The following TRIM51G variants were observed in gnomAD, a reference collection of about 807,000 sequenced individuals.
TRIM51G encodes the protein tripartite motif-containing 51G, also known as tripartite motif-containing protein 51G.
At chr11:48,983,665 A>T in the TRIM51G span, among the ~76,000 whole-genome samples, 1 of 151,800 alleles carries the variant, frequency 6.6e-6, no homozygotes, top group Non-Finnish European at 1.5e-5. Context: ...TTAGACAGTT[A>T]GATATTTTTA....
chr11:48,979,264 A>G, the TRIM51G span, among the ~76,000 whole-genome samples: 1 of 152,158 alleles, frequency 6.6e-6, no homozygotes, highest in East Asian at 1.9e-4. Flanking sequence ...TAATATCAAC[A>G]TAGTTGTTTC....
the TRIM51G span, chr11:48,980,900 A>G: frequency 2.1e-6 from 1 of 485,816 alleles, no homozygotes; most frequent in Non-Finnish European, 4.3e-6. Flanking sequence ...GTAACACACT[A>G]CTAACCTTCC....
the TRIM51G span, among the ~76,000 whole-genome samples, chr11:48,976,280 TG>T: frequency 6.6e-6 from 1 of 152,180 alleles, no homozygotes; most frequent in African/African-American, 2.4e-5. Context: ...AATGTAAAAG[TG>T]AAATATTATA....
the TRIM51G span, chr11:48,975,678 G>A: frequency 2.7e-6 from 4 of 1,478,258 alleles, no homozygotes; most frequent in Non-Finnish European, 3.8e-6. Flanking sequence ...GTGGGGAGGT[G>A]GTAAAGAGAC....
At chr11:48,975,759 T>A in the TRIM51G span, 1 of 1,564,368 alleles carries the variant, frequency 6.4e-7, no homozygotes, top group South Asian at 1.1e-5. Flanking sequence ...TGTCATTCTG[T>A]CTCTTCTCTT....
chr11:48,983,412 A>G, the TRIM51G span, among the ~76,000 whole-genome samples: 17 of 152,094 alleles, frequency 1.1e-4, no homozygotes, highest in African/African-American at 3.4e-4. Flanking sequence ...ACAGTATTCA[A>G]TAATTATCCT....
the TRIM51G span, among the ~76,000 whole-genome samples, chr11:48,982,717 G>A: frequency 6.6e-6 from 1 of 151,184 alleles, no homozygotes; most frequent in African/African-American, 2.4e-5. Flanking sequence ...AATTCTCCTA[G>A]TGGACTTCCT....
At chr11:48,981,015 A>G in the TRIM51G span, 1 of 610,414 alleles carries the variant, frequency 1.6e-6, no homozygotes, top group Non-Finnish European at 3.1e-6. Flanking sequence ...CAAAAGAGCC[A>G]TGAATTGAAG....
chr11:48,981,703 A>G, the TRIM51G span: 1 of 1,597,578 alleles, frequency 6.3e-7, no homozygotes, highest in Admixed American at 1.7e-5. Flanking sequence ...CATGTTTCTG[A>G]AGAAGAAAGA....
the TRIM51G span, chr11:48,981,672 G>A: frequency 1.3e-6 from 2 of 1,599,284 alleles, no homozygotes; most frequent in Admixed American, 3.3e-5. Context: ...CCCTCTGGAA[G>A]ACTTGCAAGA....
At chr11:48,981,988 G>A in the TRIM51G span, among the ~76,000 whole-genome samples, 64 of 152,078 alleles carry the variant, frequency 4.2e-4, 1 homozygote, top group African/African-American at 1.4e-3. Context: ...TATGAAACTC[G>A]GGTTTTAATC....
At chr11:48,983,825 GCA>G in the TRIM51G span, among the ~76,000 whole-genome samples, 1 of 151,998 alleles carries the variant, frequency 6.6e-6, no homozygotes, top group Non-Finnish European at 1.5e-5. Flanking sequence ...TTCATTCCCT[GCA>G]CAGTTGACTT....
the TRIM51G span, among the ~76,000 whole-genome samples, chr11:48,983,538 A>C: frequency 1.3e-5 from 2 of 151,942 alleles, no homozygotes; most frequent in Non-Finnish European, 2.9e-5. Context: ...AGATATCTAA[A>C]ATTTTTCAAA....
At chr11:48,979,073 G>A in the TRIM51G span, 1 of 828,890 alleles carries the variant, frequency 1.2e-6, no homozygotes, top group East Asian at 2.5e-5. Context: ...ATTCAGCTCT[G>A]ATTGCTTCTA....
chr11:48,975,691 C>A, the TRIM51G span: 1 of 1,511,182 alleles, frequency 6.6e-7, no homozygotes, highest in South Asian at 1.1e-5. Context: ...AAAGAGACTG[C>A]AGTGAGTGTC....
At chr11:48,981,763 A>C in the TRIM51G span, 1 of 1,471,430 alleles carries the variant, frequency 6.8e-7, no homozygotes, top group South Asian at 1.1e-5. Flanking sequence ...TGAACATATC[A>C]CCATATGTGA....
the TRIM51G span, among the ~76,000 whole-genome samples, chr11:48,983,773 T>A: frequency 2.0e-5 from 3 of 152,148 alleles, no homozygotes. Context: ...GCAGTAATTC[T>A]TCCAAGAAAA....
chr11:48,976,972 G>T, the TRIM51G span: 25 of 598,912 alleles, frequency 4.2e-5, no homozygotes, highest in Non-Finnish European at 6.4e-5. Context: ...TCGTCATATG[G>T]TTCACTTCCT....
At chr11:48,980,050 A>G in the TRIM51G span, among the ~76,000 whole-genome samples, 1 of 151,784 alleles carries the variant, frequency 6.6e-6, no homozygotes, top group Non-Finnish European at 1.5e-5. Flanking sequence ...AGACACTACT[A>G]CACTCTAACA....
Sources: gnomAD v4.1 joint callset for allele counts (sites outside exome capture counted in the v4.1 genomes callset) on GRCh38, gnomAD v4.1.1 for gene constraint, MANE v1.5 for transcripts, NCBI Gene and HGNC (gene_info 2026-07-23, HGNC 2026-07-21) for gene names.